CASKIN1: variants seen among roughly 807,000 people sequenced by gnomAD.
The protein encoded by CASKIN1 is CASK interacting protein 1, also known as caskin-1.
A neutral mutation model predicts 117.5 loss-of-function variants in CASKIN1; 42 were observed. That is an observed-to-expected ratio of 0.36 (90% CI 0.28 to 0.46). CASKIN1 has a LOEUF of 0.46. Ranked by LOEUF, CASKIN1 falls within the 20% of genes least tolerant of loss-of-function variation. The pLI is 1.00. For missense variants in CASKIN1, 2,083 were observed against 2,077.3 expected (o/e 1.00, Z -0.05); for synonymous variants, 1,148 against 961.7 (o/e 1.19, Z -3.59).
chr16:2,185,362 T>C lies in CASKIN1; in HGVS notation c.1095A>G (p.Ser365=). The part of the protein sequence containing the change: ...TEPSLPQGSS[S]SGPSAPPEEI... ...CCTCTGGGGGTGCAGAGGGTCCCGA[T>C]GAGCTGCTTCCCTGGGGCAGGCTTG... The change falls in exon 11 of 20, where the codon TCA becomes TCG. Residue 365 remains serine (S), a synonymous_variant. Transcript: ENST00000343516. The C allele has an allele frequency of 6.2e-7, 1 of 1,611,640 alleles. No homozygotes were observed. Among genetic ancestry groups the C allele is most frequent in the South Asian group, 1.1e-5 (1 of 90,832 alleles).
chr16:2,185,924 C>T (rs1332595209), intron 10 of CASKIN1, among the ~76,000 whole-genome samples: 3 of 152,236 alleles, frequency 2.0e-5, no homozygotes, highest in Non-Finnish European at 4.4e-5. Flanking sequence ...CCTGCCTCAG[C>T]GCCTTTGGTT....
At chr16:2,183,777 G>C (rs781215550) in intron 15 of CASKIN1, 30 bp from the exon 16 acceptor site, 1 of 1,612,348 alleles carries the variant, frequency 6.2e-7, no homozygotes, top group Non-Finnish European at 8.5e-7. Context: ...GTCAGCTAGG[G>C]GCTGGGCCCA....
chr16:2,190,030 G>A, intron 3 of CASKIN1, 43 bp downstream of exon 3: 1 of 1,431,044 alleles, frequency 7.0e-7, no homozygotes, highest in Non-Finnish European at 9.8e-7. Flanking sequence ...CCCCCTCGCT[G>A]CCCCCGCCCC....
Position 2,178,585 on chromosome 16 carries a change from C to T in CASKIN1, c.4261G>A (p.Asp1421Asn). The T allele has an allele frequency of 6.3e-7, 1 of 1,597,564 alleles. No homozygotes were observed. Among genetic ancestry groups the T allele is most frequent in the Non-Finnish European group, 8.5e-7 (1 of 1,176,290 alleles). The change falls in exon 20 of 20, where the codon GAC becomes AAC. Residue 1421 changes from aspartate (D) to asparagine (N), a missense_variant. Physicochemically the swap from Asp to Asn is conservative, Grantham distance 23. Around this residue, in one of 3 missense-constraint regions of CASKIN1, gnomAD observed 1,818 missense variants for 1,688.9 expected, o/e 1.08. Transcript: ENST00000343516. ...ILDDIGSMFD[D>N]LADQLDAMLE ...ATGGCATCCAGCTGGTCGGCCAGGT[C>T]GTCGAACATGCTGCCGATGTCGTCC... is the stretch of plus-strand genomic sequence containing the variant.
In CASKIN1 at chr16:2,179,323, C is replaced by T. The variant is rs1279683270; in HGVS notation, c.3778G>A (p.Val1260Met). 8 of 1,264,690 alleles carry T rather than the reference C, an allele frequency of 6.3e-6. No individual in the cohort carries two copies. The highest frequency in any genetic ancestry group is 3.1e-5 in the African/African-American group (2 of 64,152). 78.3% of individuals were successfully genotyped at this position (1,264,690 alleles called of 1,614,324 possible). ...VPLPGPGSPE[V>M]KRAHGTPPPV... is the part of the protein sequence containing the mutation. ...GGTGGCGTGCCGTGGGCGCGCTTCA[C>T]CTCTGCGGGGAGGACCACGCTGGCA... is the stretch of plus-strand genomic sequence containing the variant. Residue 1260 changes from valine to methionine, a missense_variant and splice_region_variant, in exon 19 of 20, where the codon GTG becomes ATG. Val to Met is a conservative substitution (Grantham distance 21, BLOSUM62 1). Transcript: ENST00000343516. This position sits in a 1 kb window ranked among gnomAD's most constrained non-coding sequence, Gnocchi z 5.8.
chr16:2,195,551 G>C (rs1318931384), intron 1 of CASKIN1, among the ~76,000 whole-genome samples: 1 of 152,226 alleles, frequency 6.6e-6, no homozygotes, highest in Non-Finnish European at 1.5e-5. Context: ...GCCAGGATGA[G>C]TGCTGGGACC....
chr16:2,195,408 C>G (rs1231663799), intron 1 of CASKIN1, among the ~76,000 whole-genome samples: 1 of 152,218 alleles, frequency 6.6e-6, no homozygotes, highest in Non-Finnish European at 1.5e-5. Flanking sequence ...ACGTGCCGAC[C>G]TGCAGAGCCC....
chr16:2,182,643 C>A lies in CASKIN1; in HGVS notation c.1630-714G>T, dbSNP rs954804901. On this transcript the variant is annotated intron_variant, in intron 16 of 19. Coordinates refer to ENST00000343516, the MANE Select transcript of CASKIN1 (RefSeq NM_020764.4). The surrounding 1 kb of genome is among the most constrained non-coding windows in gnomAD (Gnocchi z 4.1). ...AAGGCAGGGTGAGTGCAGACCCACG[C>A]GCCAGGTGGCTTTTGACAGCCACCG... is the stretch of plus-strand genomic sequence containing the variant. 3.3e-5 allele frequency among the ~76,000 whole-genome samples: 5 copies of A among 152,206 alleles called. No homozygotes were observed.
chr16:2,187,290 A>T lies in CASKIN1; in HGVS notation c.727-16T>A. 1 of 1,613,836 alleles carries T rather than the reference A, an allele frequency of 6.2e-7. No individual in the cohort carries two copies. Among genetic ancestry groups the T allele is most frequent in the Non-Finnish European group, 8.5e-7 (1 of 1,179,886 alleles). ...TGATCCCGCTCTGCACATGTGAGAG[A>T]TGAGGCTCTGTCAGGAGCCCCTACA... On this transcript the variant is annotated splice_polypyrimidine_tract_variant and intron_variant, in intron 7 of 19. Coordinates refer to ENST00000343516, the MANE Select transcript of CASKIN1 (RefSeq NM_020764.4).
intron 3 of CASKIN1, 46 bp downstream of exon 3, chr16:2,190,027 G>A (rs771177857): frequency 6.4e-6 from 8 of 1,246,034 alleles, no homozygotes; most frequent in South Asian, 3.6e-5. Context: ...AGCCCCCCTC[G>A]CTGCCCCCGC....
Position 2,178,336 on chromosome 16 carries a change from G to T in CASKIN1, c.*214C>A. ...TATTGCACGGGGAGCAGCAGGTGGG[G>T]AGGACCCGCGGGCGCAGGGTCTGCC... On this transcript the variant is annotated 3_prime_UTR_variant, in exon 20 of 20. Transcript: ENST00000343516. 2.2e-6 allele frequency: 1 copy of T among 450,982 alleles called. No individual in the cohort carries two copies. The highest frequency in any genetic ancestry group is 4.4e-5 in the Admixed American group (1 of 22,888). 27.9% of individuals were successfully genotyped at this position (450,982 alleles called of 1,614,324 possible).
intron 1 of CASKIN1, among the ~76,000 whole-genome samples, chr16:2,193,988 C>T (rs932827551): frequency 1.5e-4 from 23 of 151,962 alleles, no homozygotes; most frequent in African/African-American, 5.6e-4. Context: ...GGATGAAAGT[C>T]CAGGAGCCCC....
chr16:2,194,219 T>TGCCTCCATGGACAGGGG (rs1202243092), intron 1 of CASKIN1, among the ~76,000 whole-genome samples: 3 of 152,094 alleles, frequency 2.0e-5, no homozygotes, highest in African/African-American at 7.2e-5. Context: ...TTCTTGGGCC[T>TGCCTCCATGGACAGGGG]GCCTCCATGG....
intron 7 of CASKIN1, 23 bp downstream of exon 7, chr16:2,187,330 G>A: frequency 6.2e-7 from 1 of 1,613,072 alleles, no homozygotes; most frequent in Non-Finnish European, 8.5e-7. Flanking sequence ...ACTGGGCCCA[G>A]CGCCCCTGGG....
chr16:2,183,600 T>C, intron 16 of CASKIN1, 46 bp downstream of exon 16: 5 of 1,585,112 alleles, frequency 3.2e-6, no homozygotes, highest in Non-Finnish European at 4.3e-6. Flanking sequence ...TCTGTCTGTC[T>C]GTCTGCCCGT....
chr16:2,181,733 TGGCTGGGGCTTG>T, intron 17 of CASKIN1, 46 bp downstream of exon 17: 1 of 1,507,990 alleles, frequency 6.6e-7, no homozygotes, highest in Non-Finnish European at 8.9e-7. Flanking sequence ...TGGTGGCTGG[TGGCTGGGGCTTG>T]GGCTGAGGGT....
chr16:2,196,294 G>GGGCCCCCGGGGCTCCCACCCGCGC lies in CASKIN1; in HGVS notation c.94+21_94+44dup. ...GGGTGGGGGGCTCCGCGCCGGGGAGGGGCCCCCGGGGCTCCCACCCGCGCC... is the reference window on the plus strand; with the variant it reads ...GGGTGGGGGGCTCCGCGCCGGGGAGGGGCCCCCGGGGCTCCCACCCGCGCGGCCCCCGGGGCTCCCACCCGCGCC... On this transcript the variant is annotated intron_variant, in intron 1 of 19. Transcript: ENST00000343516. The surrounding 1 kb of genome is among the most constrained non-coding windows in gnomAD (Gnocchi z 5.7). 1.0e-6 allele frequency: 1 copy of GGGCCCCCGGGGCTCCCACCCGCGC among 959,398 alleles called. No homozygotes were observed. Among genetic ancestry groups the GGGCCCCCGGGGCTCCCACCCGCGC allele is most frequent in the Non-Finnish European group, 1.3e-6 (1 of 766,174 alleles). 59.4% of individuals were successfully genotyped at this position (959,398 alleles called of 1,614,324 possible).
chr16:2,192,237 T>A (rs1325334060), intron 1 of CASKIN1, among the ~76,000 whole-genome samples: 1 of 151,372 alleles, frequency 6.6e-6, no homozygotes, highest in African/African-American at 2.4e-5. Context: ...AGGTTGAAGC[T>A]GCAGTGAGCC....
rs1451050801 is a variant in CASKIN1 at position 2,180,308 on chromosome 16, G to C, written c.3060C>G (p.Ala1020=). 6.3e-7 allele frequency: 1 copy of C among 1,591,174 alleles called. No homozygotes were observed. The highest frequency in any genetic ancestry group is 2.3e-5 in the East Asian group (1 of 44,076). ...LSSIGGGGRA[A]RRPPEGHPTP... is the part of the protein sequence containing the mutation. ...TGGGGTGGCCCTCAGGAGGCCTGCGGGCAGCCCGGCCCCCACCCCCAATGG... is the reference window on the plus strand; with the variant it reads ...TGGGGTGGCCCTCAGGAGGCCTGCGCGCAGCCCGGCCCCCACCCCCAATGG... Residue 1020 remains alanine (A), a synonymous_variant, in exon 18 of 20, where the codon GCC becomes GCG. Transcript: ENST00000343516.
Sources: gnomAD v4.1 joint callset for allele counts (sites outside exome capture counted in the v4.1 genomes callset) on GRCh38, gnomAD v4.1.1 for gene constraint, gnomAD v4.1.1 regional missense constraint, Gnocchi (gnomAD v3.1) non-coding constraint, MANE v1.5 for transcripts, NCBI Gene and HGNC (gene_info 2026-07-23, HGNC 2026-07-21) for gene names.